ENPEP: variants seen among roughly 807,000 people sequenced by gnomAD.
ENPEP encodes the protein AP-A.
A neutral mutation model predicts 114.5 loss-of-function variants in ENPEP; 103 were observed. That is an observed-to-expected ratio of 0.90 (90% confidence interval 0.77 to 1.06). ENPEP has a LOEUF of 1.06. Among genes scored for constraint, ENPEP ranks in the 50% least tolerant of loss-of-function variants. ENPEP has a pLI of 0.00. For synonymous variants in ENPEP, 420 were observed against 422.0 expected, an observed-to-expected ratio of 1.00 and a Z score of 0.06; for missense variants, 1,196 against 1,161.3, an observed-to-expected ratio of 1.03 and a Z score of -0.43.
At chr4:110,551,604 C>G (rs1041092697) in intron 17 of ENPEP, among the ~76,000 whole-genome samples, 1 of 152,158 alleles carries the variant, frequency 6.6e-6, no homozygotes, top group Non-Finnish European at 1.5e-5. Context: ...ACCCACACAA[C>G]TGCAAGTGCA....
At position 110,553,167 on chromosome 4, in the gene ENPEP, T is replaced by G. The variant is rs1169853123; in HGVS notation, c.2502-148T>G. On this transcript the variant is annotated intron_variant, in intron 17 of 19. Coordinates refer to ENST00000265162, the MANE Select transcript of ENPEP (RefSeq NM_001977.4). Reference sequence around the variant, plus strand: ...ACATATCAGAAAATTTTAAGTTGTCTTTCATCATTTGTCATATTTAATTAA... The same window carrying G: ...ACATATCAGAAAATTTTAAGTTGTCGTTCATCATTTGTCATATTTAATTAA... 6.0e-6 allele frequency: 4 copies of G among 663,266 alleles called. No individual in the cohort carries two copies. In the East Asian group the frequency reaches 1.2e-4, roughly 20 times the overall value. 41.1% of individuals were successfully genotyped at this position (663,266 alleles called of 1,614,324 possible).
intron 3 of ENPEP, among the ~76,000 whole-genome samples, chr4:110,496,142 T>G (rs1724928081): frequency 6.6e-6 from 1 of 152,196 alleles, no homozygotes; most frequent in Non-Finnish European, 1.5e-5. Context: ...GTCTTCTTAC[T>G]TGCTTCCATC....
At chr4:110,551,043 C>T (rs1173487440) in intron 17 of ENPEP, among the ~76,000 whole-genome samples, 1 of 149,564 alleles carries the variant, frequency 6.7e-6, no homozygotes, top group Non-Finnish European at 1.5e-5. Context: ...TTCTTGAGCC[C>T]AGGAGTTCAA....
chr4:110,542,164 C>T (rs1333747307), intron 11 of ENPEP, among the ~76,000 whole-genome samples: 2 of 152,136 alleles, frequency 1.3e-5, no homozygotes, highest in Admixed American at 6.6e-5. Context: ...AAGAACGTTT[C>T]ATTCAGATCT....
chr4:110,484,770 TTATA>T (rs34624302), intron 1 of ENPEP, among the ~76,000 whole-genome samples: 1 of 142,662 alleles, frequency 7.0e-6, no homozygotes, highest in East Asian at 2.0e-4. Flanking sequence ...ATATATTATA[TTATA>T]TATATATATA....
At chr4:110,529,167 C>A (rs639194) in intron 10 of ENPEP, among the ~76,000 whole-genome samples, 2 of 151,934 alleles carry the variant, frequency 1.3e-5, no homozygotes, top group African/African-American at 2.4e-5. Flanking sequence ...AAATAGGAAA[C>A]CTTAACTGTG....
At chr4:110,551,572 G>A (rs889673465) in intron 17 of ENPEP, among the ~76,000 whole-genome samples, 4 of 152,074 alleles carry the variant, frequency 2.6e-5, no homozygotes, top group African/African-American at 7.2e-5. Context: ...TTGATATGTT[G>A]TATTTTCATA....
At chr4:110,546,679 T>G (rs1216862651) in intron 13 of ENPEP, among the ~76,000 whole-genome samples, 3 of 151,984 alleles carry the variant, frequency 2.0e-5, no homozygotes, top group Non-Finnish European at 2.9e-5. Flanking sequence ...ACAAACATTT[T>G]TGTAAGTGTT....
chr4:110,537,342 T>C lies in ENPEP; in HGVS notation c.1808-5409T>C, dbSNP rs141170820. Among the ~76,000 whole-genome samples, 29 of 152,294 alleles carry C rather than the reference T, an allele frequency of 1.9e-4. No homozygotes were observed. The East Asian group carries it at 5.6e-3, about 29-fold the overall frequency. On this transcript the variant is annotated intron_variant, in intron 11 of 19. Coordinates refer to ENST00000265162, the MANE Select transcript of ENPEP (RefSeq NM_001977.4). ...TAAGTTTATGGAATATTTTTAATCC[T>C]TTTTTGTCATTTCAAGATGCTCACA... is the stretch of plus-strand genomic sequence containing the variant.
At chr4:110,558,532 C>T (rs1011130299) in intron 18 of ENPEP, among the ~76,000 whole-genome samples, 6 of 152,026 alleles carry the variant, frequency 3.9e-5, no homozygotes, top group African/African-American at 1.4e-4. Flanking sequence ...TGACCTCAAG[C>T]CATCTGTCCA....
At chr4:110,510,213 T>C in intron 5 of ENPEP, 32 bp from the exon 6 acceptor site, 1 of 1,560,240 alleles carries the variant, frequency 6.4e-7, no homozygotes, top group South Asian at 1.1e-5. Context: ...CCCATAAGAA[T>C]GTAATTATCT....
chr4:110,507,522 A>G (rs1725416353), intron 4 of ENPEP, among the ~76,000 whole-genome samples: 1 of 152,218 alleles, frequency 6.6e-6, no homozygotes, highest in Non-Finnish European at 1.5e-5. Flanking sequence ...TAACTTATCA[A>G]TGCACACAAG....
intron 11 of ENPEP, among the ~76,000 whole-genome samples, chr4:110,536,942 T>C (rs1189902127): frequency 1.3e-5 from 2 of 152,196 alleles, no homozygotes; most frequent in Non-Finnish European, 2.9e-5. Flanking sequence ...GGTTTCCCAG[T>C]GCATATACAA....
intron 3 of ENPEP, among the ~76,000 whole-genome samples, chr4:110,505,619 T>C (rs1473490890): frequency 1.3e-5 from 2 of 152,232 alleles, no homozygotes; most frequent in African/African-American, 4.8e-5. Context: ...TTTCTTTTTT[T>C]CTTGTTTAAA....
At position 110,549,869 on chromosome 4, in the gene ENPEP, C is replaced by A. The variant is rs1293295635; in HGVS notation, c.2484C>A (p.Asn828Lys). The part of the protein sequence containing the change: ...KLLYGLASVK[N>K]VTLLSRYLDL... ...TGTATGGATTAGCATCAGTGAAGAACGTTACTCTTTTGTCAAGGTAAGTTG... is the reference window on the plus strand; with the variant it reads ...TGTATGGATTAGCATCAGTGAAGAAAGTTACTCTTTTGTCAAGGTAAGTTG... Residue 828 changes from asparagine to lysine, a missense_variant, in exon 17 of 20, where the codon AAC becomes AAA. Physicochemically the swap from Asn to Lys is moderately conservative, Grantham distance 94. Coordinates refer to ENST00000265162, the MANE Select transcript of ENPEP (RefSeq NM_001977.4). 1 of 1,609,290 alleles carries A rather than the reference C, an allele frequency of 6.2e-7. No homozygotes were observed. The highest frequency in any genetic ancestry group is 8.5e-7 in the Non-Finnish European group (1 of 1,178,480).
At chr4:110,495,541 T>C in intron 3 of ENPEP, among the ~76,000 whole-genome samples, 1 of 152,016 alleles carries the variant, frequency 6.6e-6, no homozygotes, top group East Asian at 1.9e-4. Flanking sequence ...GCCAAAATGG[T>C]GAAACCCTGT....
intron 10 of ENPEP, among the ~76,000 whole-genome samples, chr4:110,522,021 G>T (rs1726011141): frequency 6.6e-6 from 1 of 151,812 alleles, no homozygotes; most frequent in Non-Finnish European, 1.5e-5. Context: ...TGGGATTACA[G>T]GTGCATGCCA....
intron 11 of ENPEP, among the ~76,000 whole-genome samples, chr4:110,537,073 G>A (rs374848983): frequency 1.3e-5 from 2 of 152,142 alleles, no homozygotes; most frequent in African/African-American, 2.4e-5. Flanking sequence ...AGTCTTCAGC[G>A]AGTTGTAATC....
intron 11 of ENPEP, among the ~76,000 whole-genome samples, chr4:110,536,156 G>C (rs886972039): frequency 2.0e-5 from 3 of 147,516 alleles, no homozygotes; most frequent in African/African-American, 7.5e-5. Flanking sequence ...AGTTAAGGTA[G>C]ATTAATTATT....
Sources: allele counts gnomAD v4.1 joint callset (sites outside exome capture counted in the v4.1 genomes callset), GRCh38; gene constraint gnomAD v4.1.1; transcripts MANE v1.5; gene names NCBI Gene and HGNC (gene_info 2026-07-23, HGNC 2026-07-21).